The following FAM114A2 variants were observed in gnomAD, a reference collection of about 807,000 sequenced individuals.
The protein encoded by FAM114A2 is protein FAM114A2.
In FAM114A2, 53 loss-of-function variants were observed where a neutral mutation model predicts 58.4. The observed-to-expected ratio is 0.91, with a 90% confidence interval of 0.73 to 1.14. The LOEUF is 1.14. FAM114A2 is among the 50% of genes most tolerant of loss of function. FAM114A2 has a pLI of 0.00. For synonymous variants in FAM114A2, 228 were observed against 211.4 expected, an observed-to-expected ratio of 1.08 and a Z score of -0.68; for missense variants, 601 against 581.1, an observed-to-expected ratio of 1.03 and a Z score of -0.35.
Position 153,992,936 on chromosome 5 carries a change from C to T in FAM114A2, c.*40G>A, listed in dbSNP as rs188786544. 1 of 1,590,206 alleles carries T rather than the reference C, an allele frequency of 6.3e-7. No homozygotes were observed. Among genetic ancestry groups the T allele is most frequent in the East Asian group, 2.3e-5 (1 of 44,392 alleles). ...GAGTAGCCAGAATAAGGTGGCATTC[C>T]TTGGCCGTCACAAGTCCCAGGTCAA... On this transcript the variant is annotated 3_prime_UTR_variant, in exon 14 of 14. Coordinates refer to ENST00000351797, the MANE Select transcript of FAM114A2 (RefSeq NM_018691.4).
At chr5:154,026,677 C>T (rs530718800) in intron 7 of FAM114A2, among the ~76,000 whole-genome samples, 155 bp from the exon 8 acceptor site, 10 of 152,126 alleles carry the variant, frequency 6.6e-5, no homozygotes, top group Non-Finnish European at 1.2e-4. Flanking sequence ...ACACAAGAGG[C>T]TGGTTATGAC....
At chr5:154,010,205 T>C (rs112158080) in intron 9 of FAM114A2, among the ~76,000 whole-genome samples, 3,639 of 152,282 alleles carry the variant, frequency 0.024, 94 homozygotes, top group African/African-American at 0.06. Flanking sequence ...CACAAATGTT[T>C]GAGCAAATGA....
chr5:154,028,013 T>A (rs1771910491), intron 6 of FAM114A2, 136 bp downstream of exon 6: 1 of 688,276 alleles, frequency 1.5e-6, no homozygotes, highest in Admixed American at 2.6e-5. Flanking sequence ...CCATCCCTGA[T>A]CCCCCCAAAA....
rs768553889 is a variant in FAM114A2, at chr5:154,011,297, T to C, written c.937A>G (p.Ile313Val). The C allele has an allele frequency of 2.5e-5, 40 of 1,612,692 alleles. No homozygotes were observed. The highest frequency in any genetic ancestry group is 3.4e-5 in the Non-Finnish European group (40 of 1,179,348). ...KKGDEDFTKD[I>V]TELFSQLHVS... is the part of the protein sequence containing the mutation. ...TGCAGCTGGGAAAACAGCTCTGTTA[T>C]GTCCTTGGTAAAATCTTCATCCCCT... Residue 313 changes from isoleucine (I) to valine (V), a missense_variant, in exon 9 of 14, where the codon ATA becomes GTA. By Grantham distance (29) the Ile-to-Val change is conservative. Transcript: ENST00000351797.
chr5:154,022,670 GC>G (rs1486949131), intron 8 of FAM114A2, among the ~76,000 whole-genome samples: 2 of 152,278 alleles, frequency 1.3e-5, no homozygotes, highest in South Asian at 2.1e-4. Flanking sequence ...AAATAGGAAT[GC>G]TTTTACAATG....
chr5:154,009,089 G>C (rs1017158079), intron 9 of FAM114A2, among the ~76,000 whole-genome samples: 3 of 152,188 alleles, frequency 2.0e-5, no homozygotes, highest in African/African-American at 7.2e-5. Context: ...TAGAATCAAA[G>C]CCATGCCAGT....
At chr5:154,002,185 C>T in intron 11 of FAM114A2, 66 bp downstream of exon 11, 1 of 1,492,080 alleles carries the variant, frequency 6.7e-7, no homozygotes, top group Non-Finnish European at 9.3e-7. Flanking sequence ...GTTTATAAAA[C>T]TTTGGAAACA....
chr5:154,002,706 G>T, intron 10 of FAM114A2, 141 bp downstream of exon 10: 1 of 885,576 alleles, frequency 1.1e-6, no homozygotes, highest in Non-Finnish European at 1.8e-6. Context: ...TAATCTTATA[G>T]TCTGGATCTA....
intron 8 of FAM114A2, among the ~76,000 whole-genome samples, chr5:154,013,259 C>G (rs1208376125): frequency 1.3e-5 from 2 of 152,116 alleles, no homozygotes; most frequent in Non-Finnish European, 2.9e-5. Context: ...TGGAGAGGGG[C>G]TGGAAGACTC....
At chr5:154,035,476 T>A (rs1489639008) in intron 1 of FAM114A2, among the ~76,000 whole-genome samples, 1 of 152,218 alleles carries the variant, frequency 6.6e-6, no homozygotes, top group Non-Finnish European at 1.5e-5. Flanking sequence ...TTGACTTTTT[T>A]CACTCAGCAT....
intron 8 of FAM114A2, among the ~76,000 whole-genome samples, chr5:154,025,723 G>A (rs1167151300): frequency 6.6e-6 from 1 of 152,048 alleles, no homozygotes; most frequent in Admixed American, 6.6e-5. Flanking sequence ...AGGTCAGTTA[G>A]TGTATATCTT....
intron 6 of FAM114A2, 123 bp downstream of exon 6, chr5:154,028,026 A>G: frequency 1.2e-6 from 1 of 839,918 alleles, no homozygotes; most frequent in South Asian, 2.1e-5. Flanking sequence ...CCCCAAAAAA[A>G]CGCCTGAATA....
chr5:154,004,727 C>T (rs1456440133), intron 9 of FAM114A2, among the ~76,000 whole-genome samples: 2 of 91,834 alleles, frequency 2.2e-5, no homozygotes, highest in Non-Finnish European at 2.4e-5. Flanking sequence ...ATCCTCTTCC[C>T]GTCTTCCTCC....
intron 8 of FAM114A2, among the ~76,000 whole-genome samples, chr5:154,019,268 AG>A (rs1354157862): frequency 1.3e-5 from 2 of 152,208 alleles, no homozygotes; most frequent in Non-Finnish European, 2.9e-5. Context: ...AATCAAATCA[AG>A]AACTCAACCT....
intron 4 of FAM114A2, among the ~76,000 whole-genome samples, chr5:154,030,935 C>T (rs1475885155): frequency 2.0e-5 from 3 of 152,036 alleles, no homozygotes; most frequent in Non-Finnish European, 4.4e-5. Flanking sequence ...GTGGAGACTT[C>T]GGAAGAGTCA....
intron 1 of FAM114A2, among the ~76,000 whole-genome samples, 198 bp from the exon 2 acceptor site, chr5:154,035,165 C>A (rs1336987282): frequency 6.6e-6 from 1 of 152,134 alleles, no homozygotes; most frequent in Non-Finnish European, 1.5e-5. Context: ...AAACTGATAT[C>A]AATGCAATCC....
At chr5:153,994,045 GCA>G (rs1428436213) in intron 13 of FAM114A2, among the ~76,000 whole-genome samples, 1 of 152,026 alleles carries the variant, frequency 6.6e-6, no homozygotes, top group Non-Finnish European at 1.5e-5. Flanking sequence ...CTTTTCTACT[GCA>G]CCACTCTGCC....
intron 4 of FAM114A2, among the ~76,000 whole-genome samples, chr5:154,030,821 T>C (rs1235099525): frequency 2.6e-5 from 4 of 152,206 alleles, no homozygotes; most frequent in South Asian, 2.1e-4. Context: ...AGAACTACCA[T>C]GGAGCTCTAA....
At chr5:154,028,096 A>C (rs1771917145) in intron 6 of FAM114A2, 53 bp downstream of exon 6, 1 of 1,478,898 alleles carries the variant, frequency 6.8e-7, no homozygotes, top group Non-Finnish European at 9.1e-7. Flanking sequence ...AACAAAGGCA[A>C]AAATACAGAT....
Sources: gnomAD v4.1 joint callset for allele counts (sites outside exome capture counted in the v4.1 genomes callset) on GRCh38, gnomAD v4.1.1 for gene constraint, MANE v1.5 for transcripts, NCBI Gene and HGNC (gene_info 2026-07-23, HGNC 2026-07-21) for gene names.